The following ST18 variants were observed in gnomAD, a reference collection of about 807,000 sequenced individuals.
The protein encoded by ST18 is ST18 C2H2C-type zinc finger transcription factor.
Under a neutral mutation model 110.0 loss-of-function variants are expected in ST18, and 50 were observed. That is an observed-to-expected ratio of 0.45 (90% CI 0.36 to 0.58). The LOEUF is 0.58. Ranked by LOEUF, ST18 falls within the 20% of genes least tolerant of loss-of-function variation. The pLI is 0.00. For synonymous variants in ST18, 461 were observed against 452.4 expected, an observed-to-expected ratio of 1.02 and a Z score of -0.24; for missense variants, 1,306 against 1,280.1, an observed-to-expected ratio of 1.02 and a Z score of -0.31.
intron 2 of ST18, among the ~76,000 whole-genome samples, chr8:52,350,752 G>A (rs954457572): frequency 9.4e-5 from 14 of 149,392 alleles, no homozygotes; most frequent in South Asian, 4.3e-4. Flanking sequence ...ATGGAGTCTC[G>A]CTCTGTTGCC....
intron 2 of ST18, among the ~76,000 whole-genome samples, chr8:52,380,381 C>T (rs6988953): frequency 0.99 from 150,160 of 152,256 alleles, 74,079 homozygotes; most frequent in Middle Eastern, 1. Flanking sequence ...TTGTTTATGT[C>T]ATCTGTAAGG....
At chr8:52,338,810 C>T (rs532353917) in intron 2 of ST18, among the ~76,000 whole-genome samples, 1 of 152,042 alleles carries the variant, frequency 6.6e-6, no homozygotes, top group Non-Finnish European at 1.5e-5. Context: ...CAATCACAGC[C>T]CACTACAGCC....
intron 17 of ST18, 50 bp from the exon 18 acceptor site, chr8:52,137,533 C>G (rs865871115): frequency 1.9e-6 from 3 of 1,590,788 alleles, no homozygotes; most frequent in Non-Finnish European, 2.6e-6. Context: ...TTCCCAGGTT[C>G]ATTTCCTCTG....
intron 2 of ST18, among the ~76,000 whole-genome samples, chr8:52,262,979 T>C (rs1274049331): frequency 6.6e-6 from 1 of 152,256 alleles, no homozygotes; most frequent in East Asian, 1.9e-4. Flanking sequence ...TTACAAAGGT[T>C]GCTGTTTTTC....
At position 52,408,329 on chromosome 8, in the gene ST18, C is replaced by G. The variant is rs910001799; in HGVS notation, c.-465+999G>C. Reference sequence around the variant, plus strand: ...ATTTATCTGAAATAGTTAGAAAGATCAAGGCTCCAAGTTGTGTGCAATAAA... The same window carrying G: ...ATTTATCTGAAATAGTTAGAAAGATGAAGGCTCCAAGTTGTGTGCAATAAA... On this transcript the variant is annotated intron_variant, in intron 2 of 25. Transcript: ENST00000689386. Among the ~76,000 whole-genome samples the G allele has an allele frequency of 3.3e-5, 5 of 152,192 alleles. No individual in the cohort carries two copies. The East Asian group carries it at 9.6e-4, about 29-fold the overall frequency.
chr8:52,408,669 A>G (rs1182029592), intron 2 of ST18, among the ~76,000 whole-genome samples: 1 of 152,222 alleles, frequency 6.6e-6, no homozygotes, highest in Non-Finnish European at 1.5e-5. Flanking sequence ...AGCCTCCTTC[A>G]AAATACCCAT....
intron 2 of ST18, among the ~76,000 whole-genome samples, chr8:52,380,747 A>G (rs1834220106): frequency 6.6e-6 from 1 of 152,162 alleles, no homozygotes; most frequent in Admixed American, 6.5e-5. Flanking sequence ...AGGCCTGGCA[A>G]TTGATCTTAT....
chr8:52,382,737 G>A (rs1323617030), intron 2 of ST18, among the ~76,000 whole-genome samples: 2 of 151,758 alleles, frequency 1.3e-5, no homozygotes, highest in South Asian at 2.1e-4. Context: ...GCTCCTTCTA[G>A]GAAGTTCATT....
At chr8:52,131,056 T>C in intron 22 of ST18, among the ~76,000 whole-genome samples, 1 of 152,216 alleles carries the variant, frequency 6.6e-6, no homozygotes, top group South Asian at 2.1e-4. Flanking sequence ...ATAAACAGGT[T>C]TTACTGAATA....
At chr8:52,268,454 GTCTA>G (rs1228746665) in intron 2 of ST18, among the ~76,000 whole-genome samples, 18 of 146,810 alleles carry the variant, frequency 1.2e-4, no homozygotes, top group South Asian at 4.4e-4. Context: ...TCTATCTATC[GTCTA>G]TCTATCTATC....
At chr8:52,185,483 C>A (rs534982407) in intron 8 of ST18, among the ~76,000 whole-genome samples, 1 of 152,180 alleles carries the variant, frequency 6.6e-6, no homozygotes, top group East Asian at 1.9e-4. Context: ...TGGAAAAGAA[C>A]AACAAAGTTG....
chr8:52,228,565 A>T (rs1401278486), intron 3 of ST18, among the ~76,000 whole-genome samples: 2 of 152,206 alleles, frequency 1.3e-5, no homozygotes, highest in Admixed American at 1.3e-4. Flanking sequence ...GTGAGGCGGC[A>T]CAGTAGTTTC....
chr8:52,126,101 C>A lies in ST18; in HGVS notation c.2706G>T (p.Lys902Asn). 6.2e-7 allele frequency: 1 copy of A among 1,614,090 alleles called. No homozygotes were observed. Among genetic ancestry groups the A allele is most frequent in the Non-Finnish European group, 8.5e-7 (1 of 1,180,004 alleles). The change falls in exon 23 of 26, where the codon AAG becomes AAT. Residue 902 changes from lysine to asparagine, a missense_variant. Lys to Asn is a moderately conservative substitution (Grantham distance 94). Coordinates refer to ENST00000689386, the MANE Select transcript of ST18 (RefSeq NM_001352837.2). ...GCPLNAQVIKKGKVSEELMTI... is the reference protein window; with the variant it reads ...GCPLNAQVIKNGKVSEELMTI... ...TCATGAGTTCTTCAGAAACCTTGCC[C>A]TTTTTGATAACTTGTGCATTGAGAG...
At chr8:52,153,504 T>C (rs142262958) in intron 15 of ST18, among the ~76,000 whole-genome samples, 1 of 152,212 alleles carries the variant, frequency 6.6e-6, no homozygotes, top group Non-Finnish European at 1.5e-5. Flanking sequence ...AGTAAACAGA[T>C]GAAATGAAAA....
chr8:52,177,262 C>A (rs919688566), intron 9 of ST18, among the ~76,000 whole-genome samples: 13 of 152,224 alleles, frequency 8.5e-5, no homozygotes, highest in Non-Finnish European at 2.9e-5. Flanking sequence ...ATCCCCTTAA[C>A]GGCAACCTGT....
chr8:52,357,694 TATATATATATATATATATATATATATATA>T (rs1325045810), intron 2 of ST18, among the ~76,000 whole-genome samples: 1,520 of 72,554 alleles, frequency 0.021, 76 homozygotes, highest in African/African-American at 0.082. Context: ...TATATATATA[TATATATATATATATATATATATATATATA>T]TATATATAAA....
chr8:52,213,387 C>T (rs796412880), intron 7 of ST18, among the ~76,000 whole-genome samples: 1 of 151,748 alleles, frequency 6.6e-6, no homozygotes, highest in South Asian at 2.1e-4. Context: ...CATCTCAACA[C>T]CCTCCTAAAG....
At chr8:52,138,939 C>G (rs562370913) in intron 17 of ST18, among the ~76,000 whole-genome samples, 1 of 152,222 alleles carries the variant, frequency 6.6e-6, no homozygotes, top group South Asian at 2.1e-4. Context: ...AAGTATTTTT[C>G]TTCCTGTGAT....
At chr8:52,275,241 T>A (rs1000246385) in intron 2 of ST18, among the ~76,000 whole-genome samples, 1 of 152,206 alleles carries the variant, frequency 6.6e-6, no homozygotes, top group Non-Finnish European at 1.5e-5. Context: ...ATAGGGAAAC[T>A]ACGTGAGTAA....
Sources: gnomAD v4.1 joint callset for allele counts (sites outside exome capture counted in the v4.1 genomes callset) on GRCh38, gnomAD v4.1.1 for gene constraint, MANE v1.5 for transcripts, NCBI Gene and HGNC (gene_info 2026-07-23, HGNC 2026-07-21) for gene names.